Variants in FBXW11 observed in about 807,000 individuals in gnomAD.
FBXW11 encodes F-box and WD repeat domain containing 11, also known as F-box/WD repeat-containing protein 11.
FBXW11 carries 19 observed loss-of-function variants against 77.6 expected under a neutral mutation model. That is an observed-to-expected ratio of 0.24 (90% CI 0.17 to 0.36). The LOEUF (loss-of-function observed/expected upper bound fraction) is 0.36, where lower values mean the gene tolerates loss of function less well. FBXW11 is among the 10% of genes least tolerant of loss of function. FBXW11 has a pLI of 1.00. For missense variants in FBXW11, 334 were observed against 704.2 expected (o/e 0.47, Z 5.95); for synonymous variants, 235 against 249.4 (o/e 0.94, Z 0.54).
chr5:171,890,504 A>AC (rs1759272929), intron 7 of FBXW11, among the ~76,000 whole-genome samples: 3 of 150,424 alleles, frequency 2.0e-5, no homozygotes, highest in South Asian at 2.1e-4. Context: ...AAAAAAAAAA[A>AC]CTCTCATCAC....
intron 7 of FBXW11, 143 bp downstream of exon 7, chr5:171,891,324 T>C (rs1759331850): frequency 7.6e-6 from 5 of 655,950 alleles, no homozygotes; most frequent in Non-Finnish European, 1.2e-5. Context: ...CTGGCTCTAG[T>C]TCTTTAGAAC....
Position 171,893,436 on chromosome 5 carries a change from A to AAAAAAAC in FBXW11, c.715-1833_715-1832insGTTTTTT, listed in dbSNP as rs1426632603. Among the ~76,000 whole-genome samples the AAAAAAAC allele has an allele frequency of 4.7e-5, 7 of 148,030 alleles. 1 individual carries two copies. The East Asian group carries it at 1.4e-3, about 29-fold the overall frequency. On this transcript the variant is annotated intron_variant, in intron 6 of 13. Coordinates refer to ENST00000517395, the MANE Select transcript of FBXW11 (RefSeq NM_001378974.1). ...ACTTCAAAACCAAAAAAAAAAAAAA[A>AAAAAAAC]AAAAAAAAAAACTAACCCAACCATC... is the stretch of plus-strand genomic sequence containing the variant.
chr5:171,891,488 G>A lies in FBXW11; in HGVS notation c.831C>T (p.Gly277=). 1 of 1,594,166 alleles carries A rather than the reference G, an allele frequency of 6.3e-7. No homozygotes were observed. The highest frequency in any genetic ancestry group is 8.5e-7 in the Non-Finnish European group (1 of 1,171,724). Residue 277 remains glycine, a synonymous_variant, in exon 7 of 14, where the codon GGC becomes GGT. Coordinates refer to ENST00000517395, the MANE Select transcript of FBXW11 (RefSeq NM_001378974.1). ...LQYDDEKIIS[G]LRDNSIKIWD... The stretch of plus-strand genomic sequence containing the variant: ...TCACCTTAATAGAATTATCTCGTAG[G>A]CCACTGATAATTTTTTCATCATCGT...
intron 1 of FBXW11, among the ~76,000 whole-genome samples, chr5:171,986,351 T>C (rs1416288277): frequency 9.3e-5 from 14 of 151,298 alleles, no homozygotes; most frequent in Non-Finnish European, 1.5e-5. Flanking sequence ...GAGGTTGCAG[T>C]GAGATCACAC....
intron 2 of FBXW11, among the ~76,000 whole-genome samples, chr5:171,938,359 G>A (rs952460596): frequency 1.3e-5 from 2 of 152,128 alleles, no homozygotes; most frequent in African/African-American, 4.8e-5. Flanking sequence ...CACTGCACCT[G>A]GCCATAAACA....
chr5:171,895,925 C>T (rs1319141320), intron 6 of FBXW11, among the ~76,000 whole-genome samples: 2 of 152,160 alleles, frequency 1.3e-5, no homozygotes, highest in African/African-American at 4.8e-5. Flanking sequence ...ATTCAGAGGC[C>T]CTCTAAACCC....
chr5:171,875,173 T>C (rs910815937), intron 9 of FBXW11, among the ~76,000 whole-genome samples: 1 of 151,730 alleles, frequency 6.6e-6, no homozygotes, highest in South Asian at 2.1e-4. Context: ...TCCCAACACT[T>C]TGGGAGGCCA....
At position 172,005,926 on chromosome 5, in the gene FBXW11, C is replaced by G. The variant is rs570397300; in HGVS notation, c.45+532G>C. ...CTCAAACCCGAAAGCTCCCTGCCCC[C>G]CCAGCTCTGTAGGGCCTATCCTGGC... On this transcript the variant is annotated intron_variant, in intron 1 of 13. Coordinates refer to ENST00000517395, the MANE Select transcript of FBXW11 (RefSeq NM_001378974.1). Among the ~76,000 whole-genome samples the G allele has an allele frequency of 1.7e-4, 26 of 152,238 alleles. No individual in the cohort carries two copies. The East Asian group carries it at 4.8e-3, about 28-fold the overall frequency.
intron 1 of FBXW11, among the ~76,000 whole-genome samples, chr5:171,962,398 T>A (rs1413570557): frequency 6.6e-6 from 1 of 152,180 alleles, no homozygotes; most frequent in Non-Finnish European, 1.5e-5. Flanking sequence ...AATATTCTAA[T>A]TTAGGGTTGT....
chr5:171,913,088 A>C (rs980730056), intron 3 of FBXW11, among the ~76,000 whole-genome samples: 5 of 152,168 alleles, frequency 3.3e-5, no homozygotes, highest in African/African-American at 1.2e-4. Flanking sequence ...CCTTATCTTA[A>C]GAAAAAAAAC....
chr5:171,935,470 A>G (rs538737341), intron 2 of FBXW11, among the ~76,000 whole-genome samples: 4 of 152,328 alleles, frequency 2.6e-5, no homozygotes, highest in African/African-American at 9.6e-5. Flanking sequence ...AACCTGAACT[A>G]CATGTTGAAA....
At chr5:171,988,194 C>A (rs1765546382) in intron 1 of FBXW11, among the ~76,000 whole-genome samples, 1 of 152,134 alleles carries the variant, frequency 6.6e-6, no homozygotes, top group Non-Finnish European at 1.5e-5. Flanking sequence ...AATGACAACC[C>A]ATGGCAATGA....
intron 10 of FBXW11, among the ~76,000 whole-genome samples, chr5:171,871,498 C>T (rs1757751299): frequency 6.6e-6 from 1 of 152,138 alleles, no homozygotes; most frequent in Admixed American, 6.6e-5. Context: ...TTTACAAAGT[C>T]AGAGTGGGAG....
chr5:171,961,778 C>G (rs1442423667), intron 1 of FBXW11, among the ~76,000 whole-genome samples: 4 of 152,158 alleles, frequency 2.6e-5, no homozygotes, highest in Non-Finnish European at 4.4e-5. Context: ...TCCCGAGTAA[C>G]TGGGATTACA....
rs562674171 is a variant in FBXW11 at position 171,964,769 on chromosome 5, C to A, written c.46-7071G>T. Among the ~76,000 whole-genome samples, 4 of 152,270 alleles carry A rather than the reference C, an allele frequency of 2.6e-5. No homozygotes were observed. In the South Asian group the frequency reaches 8.3e-4, roughly 32 times the overall value. On this transcript the variant is annotated intron_variant, in intron 1 of 13. Coordinates refer to ENST00000517395, the MANE Select transcript of FBXW11 (RefSeq NM_001378974.1). ...AGGTTGTTAAATAAAAGTTAATTCA[C>A]GGTTTAAGGCATTTTCTATAACCTT...
In FBXW11 at chr5:171,926,092, A is replaced by G. The variant is rs576436034; in HGVS notation, c.148-11687T>C. Among the ~76,000 whole-genome samples, 9 of 152,320 alleles carry G rather than the reference A, an allele frequency of 5.9e-5. No individual in the cohort carries two copies. In the East Asian group the frequency reaches 1.5e-3, roughly 26 times the overall value. Reference sequence around the variant, plus strand: ...TATTTGATTTTTGCTTACTTATCCTACCTAAATTTTCCTTAAAGTACACAC... The same window carrying G: ...TATTTGATTTTTGCTTACTTATCCTGCCTAAATTTTCCTTAAAGTACACAC... On this transcript the variant is annotated intron_variant, in intron 2 of 13. Coordinates refer to ENST00000517395, the MANE Select transcript of FBXW11 (RefSeq NM_001378974.1).
At chr5:171,941,183 C>T (rs538925467) in intron 2 of FBXW11, among the ~76,000 whole-genome samples, 2 of 152,266 alleles carry the variant, frequency 1.3e-5, no homozygotes, top group Admixed American at 6.5e-5. Flanking sequence ...TCTAAGTGAT[C>T]ACCATTCTGA....
chr5:171,917,895 TATTATTTTAAA>T (rs1379297134), intron 2 of FBXW11, among the ~76,000 whole-genome samples: 1 of 152,096 alleles, frequency 6.6e-6, no homozygotes, highest in Non-Finnish European at 1.5e-5. Context: ...TATAATATAC[TATTATTTTAAA>T]ATTAGGTTAA....
At chr5:171,907,224 T>G (rs1388133589) in intron 4 of FBXW11, among the ~76,000 whole-genome samples, 1 of 152,236 alleles carries the variant, frequency 6.6e-6, no homozygotes, top group East Asian at 1.9e-4. Flanking sequence ...CCATTTTCCC[T>G]ATACTGACAG....
Sources: gnomAD v4.1 joint callset for allele counts (sites outside exome capture counted in the v4.1 genomes callset) on GRCh38, gnomAD v4.1.1 for gene constraint, MANE v1.5 for transcripts, NCBI Gene and HGNC (gene_info 2026-07-23, HGNC 2026-07-21) for gene names.